ERFL: variants seen among roughly 807,000 people sequenced by gnomAD.
ERFL encodes the protein ETS repressor factor like.
In ERFL, 8 loss-of-function variants were observed where a neutral mutation model predicts 27.9. That is an observed-to-expected ratio of 0.29 (90% CI 0.17 to 0.52). ERFL has a LOEUF of 0.52. Ranked by LOEUF, ERFL falls within the 20% of genes least tolerant of loss-of-function variation. The probability of loss-of-function intolerance (pLI) is 0.97; values close to 1 mark genes in which losing one functional copy is unlikely to be tolerated. For missense variants in ERFL, 294 were observed against 444.4 expected, an observed-to-expected ratio of 0.66 and a Z score of 3.04; for synonymous variants, 174 against 202.8, an observed-to-expected ratio of 0.86 and a Z score of 1.21.
intron 2 of ERFL, 66 bp downstream of exon 2, chr19:41,912,787 G>A: frequency 1.8e-6 from 1 of 550,686 alleles, no homozygotes; most frequent in Non-Finnish European, 2.7e-6. Context: ...GGAGAGAAGG[G>A]GGATGCGGCT....
rs1162275492 is a variant in ERFL at position 41,912,900 on chromosome 19, G to A, written c.20C>T (p.Ser7Phe). 4.2e-5 allele frequency: 52 copies of A among 1,231,580 alleles called. No homozygotes were observed. Among genetic ancestry groups the A allele is most frequent in the Non-Finnish European group, 5.3e-5 (52 of 987,994 alleles). The allele number at this position is 1,231,580 out of a possible 1,614,324, so 76.3% of individuals were successfully genotyped here. Residue 7 changes from serine to phenylalanine, a missense_variant, in exon 2 of 6, where the codon TCC (serine) becomes TTC (phenylalanine). Physicochemically the swap from Ser to Phe is radical, Grantham distance 155 (BLOSUM62 -2). Transcript: ENST00000597630. ...GGCGGGCGGGGCGAAGAGAAGGTCG[G>A]AGACGCAGCTACAGTCCATGGCGGA... is the stretch of plus-strand genomic sequence containing the variant. MDCSCV[S>F]DLLFAPPALP...
intron 1 of ERFL, chr19:41,923,305 G>A (rs2074852485): frequency 2.6e-6 from 1 of 387,156 alleles, no homozygotes. Context: ...CAGAAAAGGA[G>A]GAAAGAGACA....
intron 2 of ERFL, among the ~76,000 whole-genome samples, chr19:41,911,800 C>T (rs1171038210): frequency 3.3e-5 from 5 of 152,142 alleles, no homozygotes; most frequent in African/African-American, 1.2e-4. Context: ...CTCAAATGCA[C>T]ACCCTCAAAT....
Position 41,921,664 on chromosome 19 carries a change from G to A in ERFL, c.-14+6376C>T, listed in dbSNP as rs2074842972. On this transcript the variant is annotated intron_variant, in intron 1 of 5. Transcript: ENST00000597630. This position sits in a 1 kb window ranked among gnomAD's most constrained non-coding sequence, Gnocchi z 4.4. Reference sequence around the variant, plus strand: ...GGGAGGAAGGAGAGAAGAGGGCAGAGATGCGGAAAATTGAGGGATTAGGGC... The same window carrying A: ...GGGAGGAAGGAGAGAAGAGGGCAGAAATGCGGAAAATTGAGGGATTAGGGC... 6.6e-6 allele frequency among the ~76,000 whole-genome samples: 1 copy of A among 152,246 alleles called. No individual in the cohort carries two copies. The highest frequency in any genetic ancestry group is 6.5e-5 in the Admixed American group (1 of 15,292).
intron 2 of ERFL, among the ~76,000 whole-genome samples, chr19:41,911,437 T>G (rs2145883258): frequency 6.6e-6 from 1 of 152,314 alleles, no homozygotes; most frequent in East Asian, 1.9e-4. Flanking sequence ...AGCATCGCCG[T>G]GTCCACTTGC....
chr19:41,911,199 T>A (rs1469473757), intron 2 of ERFL, among the ~76,000 whole-genome samples: 1 of 152,084 alleles, frequency 6.6e-6, no homozygotes, highest in Non-Finnish European at 1.5e-5. Flanking sequence ...TACTCCACTG[T>A]CCACATACCC....
rs189339564 is a variant in ERFL, at chr19:41,924,768, G to A, written c.-14+3272C>T. ...AACACATGCTACAGGTGTTATGCACGTGGAGGAAGGCGCTCCTCGAGGAGA... is the reference window on the plus strand; with the variant it reads ...AACACATGCTACAGGTGTTATGCACATGGAGGAAGGCGCTCCTCGAGGAGA... On this transcript the variant is annotated intron_variant, in intron 1 of 5. Transcript: ENST00000597630. Among the ~76,000 whole-genome samples, 124 of 152,280 alleles carry A rather than the reference G, an allele frequency of 8.1e-4. 2 individuals are homozygous for A. Among genetic ancestry groups the A allele is most frequent in the African/African-American group, 2.8e-3 (115 of 41,546 alleles).
intron 1 of ERFL, among the ~76,000 whole-genome samples, chr19:41,913,923 C>T (rs1314311096): frequency 1.3e-5 from 2 of 151,140 alleles, no homozygotes; most frequent in African/African-American, 4.9e-5. Flanking sequence ...TCACACCCCA[C>T]CTCTGGAGCA....
In ERFL at chr19:41,915,380, G is replaced by A. The variant is rs149337543; in HGVS notation, c.-13-2448C>T. Among the ~76,000 whole-genome samples the A allele has an allele frequency of 1.8e-3, 266 of 151,066 alleles. 1 individual carries two copies. The highest frequency in any genetic ancestry group is 7.0e-3 in the Middle Eastern group (2 of 286). Reference sequence around the variant, plus strand: ...CCTGGACCCCTCGCCCTTGCCCATCGCCTCTGCCGCCCTGTCCCCGTCCGT... The same window carrying A: ...CCTGGACCCCTCGCCCTTGCCCATCACCTCTGCCGCCCTGTCCCCGTCCGT... On this transcript the variant is annotated intron_variant, in intron 1 of 5. Coordinates refer to ENST00000597630, the MANE Select transcript of ERFL (RefSeq NM_001365103.2).
chr19:41,912,997 G>T, intron 1 of ERFL, 65 bp from the exon 2 acceptor site: 2 of 715,422 alleles, frequency 2.8e-6, no homozygotes, highest in Non-Finnish European at 3.9e-6. Flanking sequence ...AGGTCAGCCA[G>T]CGGGGCGCTG....
In ERFL at chr19:41,909,311, C is replaced by A. The variant is rs544928829; in HGVS notation, c.463G>T (p.Ala155Ser). The change falls in exon 4 of 6, where the codon GCC (alanine) becomes TCC (serine). Residue 155 changes from alanine (A) to serine (S), a missense_variant. Transcript: ENST00000597630. This position sits in a 1 kb window ranked among gnomAD's most constrained non-coding sequence, Gnocchi z 5.2. ...LLLTPSPFGG[A>S]PGPDAPPLTP... Reference sequence around the variant, plus strand: ...AGGGGAGGAGCATCTGGCCCTGGGGCCCCCCCAAAGGGACTGGGGGTCAGC... The same window carrying A: ...AGGGGAGGAGCATCTGGCCCTGGGGACCCCCCAAAGGGACTGGGGGTCAGC... 4.9e-6 allele frequency: 6 copies of A among 1,234,662 alleles called. No homozygotes were observed. The East Asian group carries it at 1.9e-4, about 39-fold the overall frequency. 76.5% of individuals were successfully genotyped at this position (1,234,662 alleles called of 1,614,324 possible).
At chr19:41,912,334 C>T (rs1235260160) in intron 2 of ERFL, among the ~76,000 whole-genome samples, 1 of 152,182 alleles carries the variant, frequency 6.6e-6, no homozygotes, top group East Asian at 1.9e-4. Context: ...ACACCCCTCC[C>T]GCTGCACATC....
chr19:41,921,030 T>C lies in ERFL; in HGVS notation c.-14+7010A>G, dbSNP rs995483716. Among the ~76,000 whole-genome samples the C allele has an allele frequency of 6.6e-6, 1 of 152,104 alleles. No individual in the cohort carries two copies. The highest frequency in any genetic ancestry group is 2.4e-5 in the African/African-American group (1 of 41,410). ...TCCCTGGGGCTGCGGACAGCAGCGC[T>C]CCGAATGGTGTCAGTTGAGGGGTGG... On this transcript the variant is annotated intron_variant, in intron 1 of 5. Coordinates refer to ENST00000597630, the MANE Select transcript of ERFL (RefSeq NM_001365103.2). The surrounding 1 kb of genome is among the most constrained non-coding windows in gnomAD (Gnocchi z 4.4).
rs1482121598 is a variant in ERFL at position 41,921,969 on chromosome 19, A to C, written c.-14+6071T>G. Among the ~76,000 whole-genome samples the C allele has an allele frequency of 2.5e-4, 14 of 55,198 alleles. No homozygotes were observed. The highest frequency in any genetic ancestry group is 6.8e-4 in the South Asian group (1 of 1,470). The allele number at this position is 55,198 out of a possible 152,430, so 36.2% of individuals were successfully genotyped here. On this transcript the variant is annotated intron_variant, in intron 1 of 5. Transcript: ENST00000597630. This position sits in a 1 kb window ranked among gnomAD's most constrained non-coding sequence, Gnocchi z 4.4. ...CTCCTGGTCCTCATCCCCAACTCCC[A>C]CCCCTTCCCCACCCTTGCCTTCATT...
intron 1 of ERFL, among the ~76,000 whole-genome samples, chr19:41,924,767 C>T (rs140390495): frequency 2.6e-5 from 4 of 151,990 alleles, no homozygotes; most frequent in East Asian, 1.9e-4. Context: ...GTGTTATGCA[C>T]GTGGAGGAAG....
At chr19:41,924,741 C>T (rs1203876484) in intron 1 of ERFL, among the ~76,000 whole-genome samples, 2 of 152,214 alleles carry the variant, frequency 1.3e-5, no homozygotes, top group East Asian at 3.9e-4. Context: ...ACACATGTGT[C>T]TAACACATGC....
rs2074745635 is a variant in ERFL, at chr19:41,910,486, T to C, written c.68-389A>G. On this transcript the variant is annotated intron_variant, in intron 2 of 5. Coordinates refer to ENST00000597630, the MANE Select transcript of ERFL (RefSeq NM_001365103.2). The surrounding 1 kb of genome is among the most constrained non-coding windows in gnomAD (Gnocchi z 4.4). ...CCCCCAGCCAGCCCTAGGAGGTCTC[T>C]AGTCTCTTGTACCCTGCGGTGCCCT... Among the ~76,000 whole-genome samples the C allele has an allele frequency of 6.6e-6, 1 of 152,110 alleles. No homozygotes were observed. The highest frequency in any genetic ancestry group is 2.1e-4 in the South Asian group (1 of 4,834).
chr19:41,915,043 A>T lies in ERFL; in HGVS notation c.-13-2111T>A, dbSNP rs1333787211. On this transcript the variant is annotated intron_variant, in intron 1 of 5. Coordinates refer to ENST00000597630, the MANE Select transcript of ERFL (RefSeq NM_001365103.2). The stretch of plus-strand genomic sequence containing the variant: ...TGTCCCTGTCCCGCGTCTCTCCAGC[A>T]GCCCCGCTCCCCCACACCTCTCCCC... Among the ~76,000 whole-genome samples, 13 of 69,342 alleles carry T rather than the reference A, an allele frequency of 1.9e-4. 1 individual carries two copies. Among genetic ancestry groups the T allele is most frequent in the Admixed American group, 3.8e-4 (2 of 5,262 alleles). 45.5% of individuals were successfully genotyped at this position (69,342 alleles called of 152,430 possible).
chr19:41,908,717 G>A lies in ERFL; in HGVS notation c.617-41C>T. ...GTAGGTCAGGCTGGGGCACCTGCCT[G>A]CCTGGGGACCAGTAAAGGGGGCTGC... On this transcript the variant is annotated intron_variant, in intron 5 of 5. Coordinates refer to ENST00000597630, the MANE Select transcript of ERFL (RefSeq NM_001365103.2). The surrounding 1 kb of genome is among the most constrained non-coding windows in gnomAD (Gnocchi z 6.7). The A allele has an allele frequency of 1.8e-6, 2 of 1,118,522 alleles. No homozygotes were observed. The highest frequency in any genetic ancestry group is 3.2e-5 in the East Asian group (1 of 31,196). The allele number at this position is 1,118,522 out of a possible 1,614,324, so 69.3% of individuals were successfully genotyped here. A position where few individuals can be genotyped will look rare whatever the true frequency, so the allele number is the denominator to read the frequency against.
Sources: gnomAD v4.1 joint callset for allele counts (sites outside exome capture counted in the v4.1 genomes callset) on GRCh38, gnomAD v4.1.1 for gene constraint, Gnocchi (gnomAD v3.1) non-coding constraint, MANE v1.5 for transcripts, NCBI Gene and HGNC (gene_info 2026-07-23, HGNC 2026-07-21) for gene names.